Variants in OSBPL6 observed in about 807,000 individuals in gnomAD.
OSBPL6 encodes the protein oxysterol-binding protein-related protein 6.
OSBPL6 carries 49 observed loss-of-function variants against 125.8 expected under a neutral mutation model. The observed-to-expected ratio is 0.39, with a 90% CI of 0.31 to 0.49. OSBPL6 has a LOEUF of 0.49. Ranked by LOEUF, OSBPL6 falls within the 20% of genes least tolerant of loss-of-function variation. The probability of loss-of-function intolerance (pLI) is 0.88; values close to 1 mark genes in which losing one functional copy is unlikely to be tolerated. For missense variants in OSBPL6, 986 were observed against 1,135.4 expected, an observed-to-expected ratio of 0.87 and a Z score of 1.89; for synonymous variants, 394 against 391.8, an observed-to-expected ratio of 1.01 and a Z score of -0.07.
At chr2:178,374,756 T>C (rs1693711977) in intron 15 of OSBPL6, among the ~76,000 whole-genome samples, 1 of 152,210 alleles carries the variant, frequency 6.6e-6, no homozygotes. Flanking sequence ...ATGAAATCAT[T>C]GCTAAACATT....
Position 178,228,464 on chromosome 2 carries a change from G to A in OSBPL6, c.-351+33790G>A, listed in dbSNP as rs182174829. Among the ~76,000 whole-genome samples, 699 of 152,350 alleles carry A rather than the reference G, an allele frequency of 4.6e-3. 9 individuals carry two copies. Among genetic ancestry groups the A allele is most frequent in the South Asian group, 0.031 (149 of 4,834 alleles). On this transcript the variant is annotated intron_variant, in intron 1 of 24. Coordinates refer to ENST00000190611, the MANE Select transcript of OSBPL6 (RefSeq NM_032523.4). ...GCAGAAGAATGGCGTGAAGCCGGGA[G>A]GTGGAGCTTGCAGTGAGCCAAGATT...
At chr2:178,291,829 T>TCCATCCATCCATCCATC (rs61197503) in intron 2 of OSBPL6, among the ~76,000 whole-genome samples, 88 of 109,208 alleles carry the variant, frequency 8.1e-4, no homozygotes, top group Non-Finnish European at 1.2e-3. Context: ...ATCCATCCAT[T>TCCATCCATCCATCCATC]CATCCTTGAT....
intron 2 of OSBPL6, among the ~76,000 whole-genome samples, chr2:178,301,972 T>A (rs559976118): frequency 8.5e-5 from 13 of 152,338 alleles, no homozygotes; most frequent in Admixed American, 2.0e-4. Flanking sequence ...CCTTCAGGAC[T>A]GTGAGAAAGA....
At chr2:178,328,827 T>A (rs1688934142) in intron 5 of OSBPL6, among the ~76,000 whole-genome samples, 1 of 152,198 alleles carries the variant, frequency 6.6e-6, no homozygotes, top group Admixed American at 6.5e-5. Context: ...ACCACATGGG[T>A]TGTAGTCTAT....
chr2:178,206,678 G>A (rs774862837), intron 1 of OSBPL6, among the ~76,000 whole-genome samples: 34 of 152,000 alleles, frequency 2.2e-4, no homozygotes, highest in Non-Finnish European at 4.4e-4. Context: ...TCAGTGGCAC[G>A]ATCTCGGCTC....
intron 2 of OSBPL6, among the ~76,000 whole-genome samples, chr2:178,304,010 CTATA>C (rs1408923822): frequency 3.9e-5 from 6 of 152,176 alleles, no homozygotes; most frequent in Non-Finnish European, 7.3e-5. Context: ...ACTTGTGCTT[CTATA>C]ACAGAATACC....
At chr2:178,393,365 T>C (rs1418732548) in intron 23 of OSBPL6, among the ~76,000 whole-genome samples, 1 of 152,210 alleles carries the variant, frequency 6.6e-6, no homozygotes, top group African/African-American at 2.4e-5. Context: ...TGATTCTTAG[T>C]TTTTTATTCT....
chr2:178,208,377 G>GA (rs1438422513), intron 1 of OSBPL6, among the ~76,000 whole-genome samples: 1 of 151,544 alleles, frequency 6.6e-6, no homozygotes, highest in African/African-American at 2.4e-5. Context: ...AGTTGAGAAA[G>GA]AAAAAAATGC....
chr2:178,335,073 A>G (rs554581698), intron 8 of OSBPL6, among the ~76,000 whole-genome samples: 70 of 152,314 alleles, frequency 4.6e-4, no homozygotes, highest in African/African-American at 1.7e-3. Context: ...TTGTTAAATG[A>G]GAAATGTATT....
intron 15 of OSBPL6, among the ~76,000 whole-genome samples, chr2:178,382,202 A>C (rs866527660): frequency 2.0e-5 from 3 of 152,190 alleles, no homozygotes; most frequent in Middle Eastern, 3.2e-3. Context: ...TCCTGCCCCT[A>C]CTAAGATAAG....
intron 13 of OSBPL6, among the ~76,000 whole-genome samples, chr2:178,368,305 C>T (rs1465603961): frequency 6.6e-6 from 1 of 152,178 alleles, no homozygotes; most frequent in Non-Finnish European, 1.5e-5. Flanking sequence ...CTGTTGCATG[C>T]TCAGTTGCCG....
At chr2:178,310,645 C>G (rs2154063906) in intron 3 of OSBPL6, among the ~76,000 whole-genome samples, 1 of 151,940 alleles carries the variant, frequency 6.6e-6, no homozygotes, top group South Asian at 2.1e-4. Context: ...TCTCGATCTC[C>G]TGACCTCATG....
At chr2:178,357,871 T>C (rs1419509484) in intron 12 of OSBPL6, among the ~76,000 whole-genome samples, 1 of 152,202 alleles carries the variant, frequency 6.6e-6, no homozygotes, top group Non-Finnish European at 1.5e-5. Flanking sequence ...TAAGAAAATG[T>C]GGCACATATA....
At chr2:178,212,545 A>G (rs908111942) in intron 1 of OSBPL6, among the ~76,000 whole-genome samples, 1 of 152,228 alleles carries the variant, frequency 6.6e-6, no homozygotes, top group African/African-American at 2.4e-5. Flanking sequence ...AGTGTTAAGA[A>G]GAAGTGACTT....
intron 12 of OSBPL6, 144 bp downstream of exon 12, chr2:178,349,533 G>T (rs1000521011): frequency 1.3e-5 from 12 of 934,202 alleles, no homozygotes; most frequent in Non-Finnish European, 1.7e-5. Context: ...ATACAAAAAT[G>T]CAACAGGACA....
chr2:178,365,265 C>G (rs867909896), intron 13 of OSBPL6, among the ~76,000 whole-genome samples: 6 of 152,286 alleles, frequency 3.9e-5, no homozygotes, highest in Middle Eastern at 3.4e-3. Context: ...TGATGTATGT[C>G]TAATGATTAA....
At chr2:178,253,933 A>G (rs2091788834) in intron 1 of OSBPL6, among the ~76,000 whole-genome samples, 1 of 152,030 alleles carries the variant, frequency 6.6e-6, no homozygotes, top group African/African-American at 2.4e-5. Flanking sequence ...TGGCAATAGG[A>G]CTGATGGCTT....
chr2:178,375,096 G>A (rs1693740227), intron 15 of OSBPL6, among the ~76,000 whole-genome samples: 1 of 152,154 alleles, frequency 6.6e-6, no homozygotes, highest in South Asian at 2.1e-4. Context: ...CAGATGGACA[G>A]AATAATCATC....
At chr2:178,293,778 C>T (rs1685492207) in intron 2 of OSBPL6, among the ~76,000 whole-genome samples, 1 of 152,040 alleles carries the variant, frequency 6.6e-6, no homozygotes, top group Non-Finnish European at 1.5e-5. Flanking sequence ...CTCACCTCCC[C>T]CCACCCTCCA....
Sources: allele counts gnomAD v4.1 joint callset (sites outside exome capture counted in the v4.1 genomes callset), GRCh38; gene constraint gnomAD v4.1.1; transcripts MANE v1.5; gene names NCBI Gene and HGNC (gene_info 2026-07-23, HGNC 2026-07-21).